Variants in RSU1 observed in about 807,000 individuals in gnomAD.
RSU1 encodes the protein Ras suppressor protein 1, also known as rsu-1.
A neutral mutation model predicts 31.1 loss-of-function variants in RSU1; 26 were observed. The ratio of observed to expected loss-of-function variants is 0.84; its 90% CI spans 0.61 to 1.16. RSU1 has a LOEUF of 1.16. Ranked by LOEUF, RSU1 falls within the 50% of genes most tolerant of loss-of-function variation. RSU1 has a pLI of 0.00. For synonymous variants in RSU1, 164 were observed against 136.3 expected, an observed-to-expected ratio of 1.20 and a Z score of -1.41; for missense variants, 320 against 339.1, an observed-to-expected ratio of 0.94 and a Z score of 0.44.
chr10:16,709,229 A>G (rs1161295837), intron 7 of RSU1, among the ~76,000 whole-genome samples: 1 of 149,490 alleles, frequency 6.7e-6, no homozygotes, highest in Non-Finnish European at 1.5e-5. Flanking sequence ...CCCATCTATG[A>G]GTGAGAACAT....
chr10:16,605,675 C>T (rs974160206), intron 8 of RSU1, among the ~76,000 whole-genome samples: 1 of 152,234 alleles, frequency 6.6e-6, no homozygotes, highest in Non-Finnish European at 1.5e-5. Flanking sequence ...GAGCTGTCTA[C>T]TGAAGGGATC....
intron 8 of RSU1, among the ~76,000 whole-genome samples, chr10:16,659,887 TA>T (rs1467578606): frequency 6.6e-6 from 1 of 152,210 alleles, no homozygotes; most frequent in African/African-American, 2.4e-5. Context: ...ATACAAAGTG[TA>T]AACTGTATCA....
intron 8 of RSU1, among the ~76,000 whole-genome samples, chr10:16,658,633 A>G (rs952357164): frequency 2.6e-5 from 4 of 152,214 alleles, no homozygotes; most frequent in African/African-American, 7.2e-5. Context: ...CTGAGGCAAG[A>G]GAACTGCTTG....
chr10:16,810,631 A>T (rs533414711), intron 2 of RSU1, among the ~76,000 whole-genome samples: 5 of 152,348 alleles, frequency 3.3e-5, no homozygotes, highest in Non-Finnish European at 5.9e-5. Context: ...ACCATGGGAC[A>T]GGTGGGCAAA....
In RSU1 at chr10:16,615,779, G is replaced by A. The variant is rs554293492; in HGVS notation, c.732-22283C>T. Among the ~76,000 whole-genome samples the A allele has an allele frequency of 7.0e-4, 107 of 152,282 alleles. 1 individual carries two copies. The highest frequency in any genetic ancestry group is 2.3e-3 in the African/African-American group (94 of 41,560). Reference sequence around the variant, plus strand: ...GAACCTGCTCCAGAAAGACTCCTGGGTAAATAACGAAATTAAGGCAGAAAA... The same window carrying A: ...GAACCTGCTCCAGAAAGACTCCTGGATAAATAACGAAATTAAGGCAGAAAA... On this transcript the variant is annotated intron_variant, in intron 8 of 8. Coordinates refer to ENST00000345264, the MANE Select transcript of RSU1 (RefSeq NM_012425.4).
At chr10:16,670,384 T>C (rs1181300154) in intron 8 of RSU1, among the ~76,000 whole-genome samples, 1 of 152,166 alleles carries the variant, frequency 6.6e-6, no homozygotes, top group East Asian at 1.9e-4. Context: ...TCAAAGCAGC[T>C]AGCAATGCAT....
chr10:16,605,282 C>T (rs967811932), intron 8 of RSU1, among the ~76,000 whole-genome samples: 12 of 152,168 alleles, frequency 7.9e-5, no homozygotes, highest in African/African-American at 1.9e-4. Flanking sequence ...TCATACCACT[C>T]GTCACCATCT....
intron 7 of RSU1, chr10:16,727,113 C>T (rs1294722783): frequency 2.2e-6 from 1 of 456,558 alleles, no homozygotes; most frequent in South Asian, 1.5e-5. Flanking sequence ...TGGTTTTTGC[C>T]AAGATGCCTA....
intron 8 of RSU1, among the ~76,000 whole-genome samples, chr10:16,666,761 G>A (rs963250367): frequency 1.1e-4 from 16 of 152,134 alleles, no homozygotes; most frequent in African/African-American, 3.9e-4. Flanking sequence ...GCTAAGGTGG[G>A]TGGATTACTT....
At chr10:16,648,423 C>T (rs1270731212) in intron 8 of RSU1, among the ~76,000 whole-genome samples, 1 of 152,152 alleles carries the variant, frequency 6.6e-6, no homozygotes, top group Non-Finnish European at 1.5e-5. Flanking sequence ...TGACTCTGGG[C>T]AGAGAGCTTA....
intron 7 of RSU1, among the ~76,000 whole-genome samples, chr10:16,700,077 T>C (rs532705560): frequency 7.9e-5 from 12 of 152,326 alleles, no homozygotes; most frequent in African/African-American, 2.6e-4. Context: ...TTTTCACTTA[T>C]GGAAATTGGT....
chr10:16,647,684 G>A (rs7087965), intron 8 of RSU1, among the ~76,000 whole-genome samples: 50,184 of 151,890 alleles, frequency 0.33, 8,660 homozygotes, highest in African/African-American at 0.43. Context: ...AGAAGTTGGC[G>A]GTGATGCTAA....
chr10:16,771,713 T>C (rs1837427269), intron 3 of RSU1, among the ~76,000 whole-genome samples: 1 of 152,238 alleles, frequency 6.6e-6, no homozygotes, highest in Non-Finnish European at 1.5e-5. Context: ...AAGACTCTGA[T>C]GTTCAAAAGT....
At chr10:16,645,328 C>T (rs1834517381) in intron 8 of RSU1, among the ~76,000 whole-genome samples, 1 of 152,026 alleles carries the variant, frequency 6.6e-6, no homozygotes, top group African/African-American at 2.4e-5. Context: ...TTGCATGTTT[C>T]CCAAAAGCTC....
intron 8 of RSU1, among the ~76,000 whole-genome samples, chr10:16,603,280 G>A (rs1038148667): frequency 2.0e-5 from 3 of 152,196 alleles, no homozygotes; most frequent in Admixed American, 1.3e-4. Flanking sequence ...ATATAAGGCA[G>A]ATTTCAAAAC....
intron 7 of RSU1, among the ~76,000 whole-genome samples, chr10:16,712,519 T>C (rs182756403): frequency 6.4e-4 from 97 of 152,294 alleles, no homozygotes; most frequent in African/African-American, 1.4e-3. Flanking sequence ...GTGGTTACCA[T>C]GGGGCTAACA....
At chr10:16,676,457 A>T (rs371485313) in intron 8 of RSU1, among the ~76,000 whole-genome samples, 1 of 152,162 alleles carries the variant, frequency 6.6e-6, no homozygotes, top group Non-Finnish European at 1.5e-5. Flanking sequence ...CTATGATTCA[A>T]TTATCTCCCA....
At chr10:16,677,379 C>T (rs892934565) in intron 8 of RSU1, among the ~76,000 whole-genome samples, 1 of 152,136 alleles carries the variant, frequency 6.6e-6, no homozygotes, top group Admixed American at 6.5e-5. Flanking sequence ...AATGTCAATT[C>T]TCTCTCCTTA....
At chr10:16,622,735 T>C (rs1243575013) in intron 8 of RSU1, among the ~76,000 whole-genome samples, 6 of 152,218 alleles carry the variant, frequency 3.9e-5, no homozygotes, top group African/African-American at 1.4e-4. Flanking sequence ...GGATCAAGGT[T>C]AAGGATCCTT....
Sources: gnomAD v4.1 joint callset for allele counts (sites outside exome capture counted in the v4.1 genomes callset) on GRCh38, gnomAD v4.1.1 for gene constraint, MANE v1.5 for transcripts, NCBI Gene and HGNC (gene_info 2026-07-23, HGNC 2026-07-21) for gene names.